The following SATL1 variants were observed in gnomAD, a reference collection of about 807,000 sequenced individuals.
SATL1 encodes the protein spermidine/spermine N1-acetyl transferase like 1.
SATL1 carries 47 observed loss-of-function variants against 51.8 expected under a neutral mutation model. The ratio of observed to expected loss-of-function variants is 0.91; its 90% CI spans 0.72 to 1.16. The LOEUF is 1.16. Ranked by LOEUF, SATL1 falls within the 50% of genes most tolerant of loss-of-function variation. SATL1 has a pLI of 0.00. For synonymous variants in SATL1, 176 were observed against 182.4 expected, an observed-to-expected ratio of 0.97 and a Z score of 0.28; for missense variants, 520 against 526.4, an observed-to-expected ratio of 0.99 and a Z score of 0.12.
At chrX:85,122,503 C>T (rs1280246615) in intron 2 of SATL1, among the ~76,000 whole-genome samples, 1 of 111,195 alleles carries the variant, frequency 9.0e-6, no homozygotes, top group African/African-American at 3.3e-5. Context: ...CTTCTGTCTT[C>T]CCTCTAACCT....
At chrX:85,154,236 A>G (rs1926534536) in intron 2 of SATL1, among the ~76,000 whole-genome samples, 1 of 110,603 alleles carries the variant, frequency 9.0e-6, no homozygotes, top group Admixed American at 9.7e-5. Context: ...ACCCCCATAT[A>G]CTGTCCTAAT....
chrX:85,123,716 G>T (rs1294223107), intron 2 of SATL1, among the ~76,000 whole-genome samples: 1 of 111,600 alleles, frequency 9.0e-6, no homozygotes, highest in East Asian at 2.8e-4. Flanking sequence ...ATGACCCTTT[G>T]AACCCTGAAT....
intron 2 of SATL1, among the ~76,000 whole-genome samples, chrX:85,171,383 G>A (rs1926970216): frequency 9.0e-6 from 1 of 111,510 alleles, no homozygotes; most frequent in African/African-American, 3.2e-5. Context: ...TTCTTGTATC[G>A]TTATTTCAAT....
chrX:85,173,769 C>CT (rs34178586), intron 2 of SATL1, among the ~76,000 whole-genome samples: 51,052 of 106,505 alleles, frequency 0.48, 10,369 homozygotes, highest in South Asian at 0.63. Flanking sequence ...CTCCAGAAGT[C>CT]TTTTTTTTTA....
chrX:85,126,518 G>A (rs1428978884), intron 2 of SATL1, among the ~76,000 whole-genome samples: 1 of 111,322 alleles, frequency 9.0e-6, no homozygotes, highest in Non-Finnish European at 1.9e-5. Flanking sequence ...TAGCACCAGA[G>A]TTTGTGCATT....
chrX:85,112,405 C>T (rs1208047650), intron 2 of SATL1, among the ~76,000 whole-genome samples: 2 of 111,136 alleles, frequency 1.8e-5, no homozygotes, highest in East Asian at 2.9e-4. Context: ...CTTGGAAGAG[C>T]GCCAAGCAGG....
chrX:85,155,700 T>C (rs1366067609), intron 2 of SATL1, among the ~76,000 whole-genome samples: 1 of 111,111 alleles, frequency 9.0e-6, no homozygotes. Context: ...GGAGATTCTT[T>C]AGTGTAGTGA....
Position 85,107,621 on chromosome X carries a change from C to G in SATL1, c.1348G>C (p.Val450Leu), listed in dbSNP as rs763565291. ...GMWQPGMSQQ[V>L]PSQLGMRQPG... ...TGTCTCATGCCTAGTTGGCTGGGGA[C>G]TTGCTGGCTCATGCCTGGTTGCCAC... Residue 450 changes from valine (V) to leucine (L), a missense_variant, in exon 3 of 8, where the codon GTC becomes CTC. Around this residue, in one of 3 missense-constraint regions of SATL1, gnomAD observed 488 missense variants for 474.3 expected, o/e 1.03. Coordinates refer to ENST00000644105, the MANE Select transcript of SATL1 (RefSeq NM_001367857.2). 10 of 1,211,181 alleles carry G rather than the reference C, an allele frequency of 8.3e-6. No individual in the cohort carries two copies. In the African/African-American group the frequency reaches 1.7e-4, roughly 21 times the overall value.
At chrX:85,135,549 TA>T (rs372026634) in intron 2 of SATL1, among the ~76,000 whole-genome samples, 26 of 105,375 alleles carry the variant, frequency 2.5e-4, no homozygotes, top group African/African-American at 7.4e-4. Flanking sequence ...TTGCTTTCAT[TA>T]AAAAAAAAAG....
intron 2 of SATL1, among the ~76,000 whole-genome samples, chrX:85,140,368 G>A (rs1228393636): frequency 1.8e-5 from 2 of 111,861 alleles, no homozygotes; most frequent in East Asian, 5.6e-4. Flanking sequence ...AACCCTAAGA[G>A]GGTGGTATTA....
intron 2 of SATL1, among the ~76,000 whole-genome samples, chrX:85,189,902 G>A (rs66460110): frequency 0.13 from 14,439 of 111,370 alleles, 711 homozygotes; most frequent in South Asian, 0.18. Context: ...ATACCAATCT[G>A]TTACTAAATT....
intron 2 of SATL1, among the ~76,000 whole-genome samples, chrX:85,114,582 G>T (rs1363240742): frequency 9.0e-6 from 1 of 110,545 alleles, no homozygotes; most frequent in Non-Finnish European, 1.9e-5. Flanking sequence ...AAAGTCTTAG[G>T]GCAGTGAGAG....
intron 2 of SATL1, among the ~76,000 whole-genome samples, chrX:85,138,826 C>G (rs1312782840): frequency 1.8e-5 from 2 of 111,011 alleles, no homozygotes; most frequent in African/African-American, 6.6e-5. Context: ...TTAAGGAAAT[C>G]AGAGCATATT....
At chrX:85,213,066 A>G (rs1333256256) in intron 2 of SATL1, among the ~76,000 whole-genome samples, 1 of 111,770 alleles carries the variant, frequency 8.9e-6, no homozygotes, top group Admixed American at 9.6e-5. Flanking sequence ...TATAGTATAT[A>G]TAATACTTAA....
intron 2 of SATL1, among the ~76,000 whole-genome samples, chrX:85,134,039 GGAA>G (rs1246145072): frequency 1.8e-5 from 2 of 111,524 alleles, no homozygotes; most frequent in Admixed American, 9.5e-5. Context: ...TTTTGCACCA[GGAA>G]GAAGAACATT....
intron 2 of SATL1, among the ~76,000 whole-genome samples, chrX:85,181,828 C>G (rs774295963): frequency 3.6e-5 from 4 of 111,590 alleles, no homozygotes; most frequent in Non-Finnish European, 7.6e-5. Flanking sequence ...GTAATACAAA[C>G]TAGTAGATTA....
intron 2 of SATL1, among the ~76,000 whole-genome samples, chrX:85,153,421 A>C (rs1926515142): frequency 9.0e-6 from 1 of 111,571 alleles, no homozygotes; most frequent in South Asian, 3.8e-4. Flanking sequence ...CAAAATGCTG[A>C]CAATTTAAAA....
At chrX:85,157,778 T>C (rs192046836) in intron 2 of SATL1, among the ~76,000 whole-genome samples, 3 of 111,822 alleles carry the variant, frequency 2.7e-5, no homozygotes, top group East Asian at 5.6e-4. Flanking sequence ...ATCTCTGCTA[T>C]AGTTCTTGTT....
chrX:85,123,341 A>G (rs1398190569), intron 2 of SATL1, among the ~76,000 whole-genome samples: 4 of 110,733 alleles, frequency 3.6e-5, no homozygotes, highest in Non-Finnish European at 7.6e-5. Flanking sequence ...TTGATTTTTT[A>G]ATTATAGCCA....
Sources: gnomAD v4.1 joint callset for allele counts (sites outside exome capture counted in the v4.1 genomes callset) on GRCh38, gnomAD v4.1.1 for gene constraint, gnomAD v4.1.1 regional missense constraint, MANE v1.5 for transcripts, NCBI Gene and HGNC (gene_info 2026-07-23, HGNC 2026-07-21) for gene names.